The following ASAP1 variants were observed in gnomAD, a reference collection of about 807,000 sequenced individuals.
ASAP1 encodes the protein arf-GAP with SH3 domain, ANK repeat and PH domain-containing protein 1.
ASAP1 carries 43 observed loss-of-function variants against 145.2 expected under a neutral mutation model. The ratio of observed to expected loss-of-function variants is 0.30; its 90% CI spans 0.23 to 0.38. The LOEUF is 0.38. Among genes scored for constraint, ASAP1 ranks in the 10% least tolerant of loss-of-function variants. The pLI is 1.00. For missense variants in ASAP1, 1,018 were observed against 1,355.3 expected (o/e 0.75, Z 3.91); for synonymous variants, 546 against 515.5 (o/e 1.06, Z -0.80).
chr8:130,275,111 G>T (rs1045583151), intron 3 of ASAP1, among the ~76,000 whole-genome samples: 7 of 152,276 alleles, frequency 4.6e-5, no homozygotes, highest in Admixed American at 2.0e-4. Flanking sequence ...ACCATCTCTA[G>T]ATCTTAGACA....
At chr8:130,213,306 T>C (rs1242360198) in intron 5 of ASAP1, among the ~76,000 whole-genome samples, 1 of 152,242 alleles carries the variant, frequency 6.6e-6, no homozygotes, top group Non-Finnish European at 1.5e-5. Flanking sequence ...ATGGCATACA[T>C]CGCCAATTAG....
At chr8:130,133,633 G>A (rs1412664406) in intron 15 of ASAP1, among the ~76,000 whole-genome samples, 1 of 151,612 alleles carries the variant, frequency 6.6e-6, no homozygotes, top group Non-Finnish European at 1.5e-5. Context: ...TCCGCAGTCC[G>A]GCCTGGGCGA....
intron 1 of ASAP1, among the ~76,000 whole-genome samples, chr8:130,440,327 C>T (rs1830449042): frequency 6.6e-6 from 1 of 151,994 alleles, no homozygotes; most frequent in Non-Finnish European, 1.5e-5. Context: ...ATCAACACGG[C>T]GAAACCCCGT....
intron 3 of ASAP1, 96 bp from the exon 4 acceptor site, chr8:130,237,090 G>A (rs1413262641): frequency 5.5e-6 from 5 of 907,364 alleles, no homozygotes; most frequent in Non-Finnish European, 8.1e-6. Flanking sequence ...GTTTTCCTGA[G>A]TACCAAAGCA....
intron 4 of ASAP1, among the ~76,000 whole-genome samples, chr8:130,219,151 G>A (rs962261655): frequency 7.3e-5 from 11 of 150,218 alleles, no homozygotes; most frequent in Admixed American, 4.6e-4. Flanking sequence ...AATACAGAGC[G>A]ATGTCTGTAA....
rs1256954152 is a variant in ASAP1, at chr8:130,076,402, T to G, written c.2647A>C (p.Ser883Arg). The G allele has an allele frequency of 1.2e-6, 2 of 1,609,578 alleles. No homozygotes were observed. Among genetic ancestry groups the G allele is most frequent in the East Asian group, 4.5e-5 (2 of 44,820 alleles). The change falls in exon 27 of 30, where the codon AGT becomes CGT. Residue 883 changes from serine to arginine, a missense_variant. Coordinates refer to ENST00000518721, the MANE Select transcript of ASAP1 (RefSeq NM_018482.4). ...FEGLSQQSST[S>R]SAKTALGPRV... ...GGGCCAAGGGCAGTCTTTGCAGAAC[T>G]GGTGCTAATCAACAAATAAGAATCA... is the stretch of plus-strand genomic sequence containing the variant.
chr8:130,131,192 A>AC (rs71302396), intron 15 of ASAP1, among the ~76,000 whole-genome samples: 12 of 149,900 alleles, frequency 8.0e-5, no homozygotes, highest in Non-Finnish European at 1.2e-4. Flanking sequence ...AAACAAACAA[A>AC]AAAGCCACTA....
intron 7 of ASAP1, 112 bp downstream of exon 7, chr8:130,187,124 A>C: frequency 1.2e-6 from 1 of 865,984 alleles, no homozygotes; most frequent in Non-Finnish European, 1.8e-6. Context: ...TTTGTTGAGA[A>C]GTTATTAGTT....
At chr8:130,296,479 T>C (rs1822282021) in intron 3 of ASAP1, among the ~76,000 whole-genome samples, 2 of 151,572 alleles carry the variant, frequency 1.3e-5, no homozygotes, top group Admixed American at 6.6e-5. Context: ...GTCCCTGTGC[T>C]ATTTAAATTA....
intron 27 of ASAP1, among the ~76,000 whole-genome samples, chr8:130,072,816 T>C (rs879827420): frequency 0.069 from 2,013 of 28,986 alleles, 177 homozygotes; most frequent in East Asian, 0.41. Flanking sequence ...TGTGTGTGTG[T>C]GTGTGTGTGC....
At position 130,321,781 on chromosome 8, in the gene ASAP1, C is replaced by A. The variant is rs541601545; in HGVS notation, c.186+36236G>T. ...GAAAGATACCACGTTTGTCTTTTAA[C>A]ATCAGTTATCTCATCCCACCATCAC... On this transcript the variant is annotated intron_variant, in intron 3 of 29. Coordinates refer to ENST00000518721, the MANE Select transcript of ASAP1 (RefSeq NM_018482.4). 2.0e-5 allele frequency among the ~76,000 whole-genome samples: 3 copies of A among 152,344 alleles called. No homozygotes were observed. The East Asian group carries it at 5.8e-4, about 29-fold the overall frequency.
chr8:130,407,632 T>C (rs13249894), intron 1 of ASAP1, among the ~76,000 whole-genome samples: 51,403 of 152,094 alleles, frequency 0.34, 9,705 homozygotes, highest in African/African-American at 0.5. Flanking sequence ...TTCATTACCA[T>C]CAAGCATCAG....
At chr8:130,071,297 C>T (rs1244125101) in intron 27 of ASAP1, among the ~76,000 whole-genome samples, 1 of 152,142 alleles carries the variant, frequency 6.6e-6, no homozygotes, top group Non-Finnish European at 1.5e-5. Context: ...AGCAGGAATG[C>T]TAAGTAAAAA....
intron 2 of ASAP1, among the ~76,000 whole-genome samples, chr8:130,375,348 G>T (rs2138331325): frequency 6.6e-6 from 1 of 152,110 alleles, no homozygotes; most frequent in South Asian, 2.1e-4. Flanking sequence ...AGGCCCAAGG[G>T]GTCTGGCTAT....
intron 27 of ASAP1, among the ~76,000 whole-genome samples, chr8:130,067,543 G>A (rs188025847): frequency 4.6e-5 from 7 of 152,180 alleles, no homozygotes; most frequent in East Asian, 3.9e-4. Context: ...CCACAGGTGC[G>A]GACCACCACA....
At chr8:130,397,393 C>T (rs907422876) in intron 2 of ASAP1, among the ~76,000 whole-genome samples, 3 of 152,104 alleles carry the variant, frequency 2.0e-5, no homozygotes, top group African/African-American at 4.8e-5. Context: ...CGCCAGCCTT[C>T]GCCTCCCAAA....
intron 24 of ASAP1, among the ~76,000 whole-genome samples, chr8:130,111,280 G>A (rs935643818): frequency 6.7e-6 from 1 of 150,166 alleles, no homozygotes; most frequent in African/African-American, 2.5e-5. Context: ...CTACTTGGAA[G>A]GCTGAGGTGG....
chr8:130,261,496 G>A (rs1458919154), intron 3 of ASAP1, among the ~76,000 whole-genome samples: 2 of 152,130 alleles, frequency 1.3e-5, no homozygotes, highest in African/African-American at 4.8e-5. Context: ...CGGAAAATAC[G>A]GGAATGGGGT....
At chr8:130,351,542 C>T (rs1825995208) in intron 3 of ASAP1, among the ~76,000 whole-genome samples, 2 of 152,136 alleles carry the variant, frequency 1.3e-5, no homozygotes, top group South Asian at 2.1e-4. Context: ...ACAAGCATGG[C>T]GCTGGTATCT....
Sources: gnomAD v4.1 joint callset for allele counts (sites outside exome capture counted in the v4.1 genomes callset) on GRCh38, gnomAD v4.1.1 for gene constraint, MANE v1.5 for transcripts, NCBI Gene and HGNC (gene_info 2026-07-23, HGNC 2026-07-21) for gene names.